Variants in FAM217B observed in about 807,000 individuals in gnomAD.
FAM217B encodes family with sequence similarity 217 member B.
For missense variants in FAM217B, 463 were observed against 456.9 expected (o/e 1.01, Z -0.12); for synonymous variants, 163 against 173.0 (o/e 0.94, Z 0.45).
intron 3 of FAM217B, among the ~76,000 whole-genome samples, chr20:59,943,044 T>C (rs1408140690): frequency 1.3e-5 from 2 of 152,216 alleles, no homozygotes; most frequent in Non-Finnish European, 2.9e-5. Context: ...AAAGCATGTT[T>C]ACCACCCATT....
upstream of FAM217B, chr20:59,937,358 C>G (rs1318373370): frequency 6.6e-6 from 1 of 152,634 alleles, no homozygotes; most frequent in South Asian, 2.1e-4. Flanking sequence ...ATGTAGTGAA[C>G]AGTGCTAATA....
upstream of FAM217B, chr20:59,939,025 G>A (rs770503231): frequency 2.6e-6 from 4 of 1,510,018 alleles, no homozygotes; most frequent in African/African-American, 1.4e-5. Context: ...GCCGGTCCCC[G>A]CGCGGCTCAG....
chr20:59,940,484 G>A lies in FAM217B; in HGVS notation c.-254G>A, dbSNP rs1422450061. Reference sequence around the variant, plus strand: ...CGGGCGTCCCCGCGCGGGCGCCGGAGAGGAAGGAAGGCTGGCAGCCTCGTC... The same window carrying A: ...CGGGCGTCCCCGCGCGGGCGCCGGAAAGGAAGGAAGGCTGGCAGCCTCGTC... On this transcript the variant is annotated 5_prime_UTR_variant, in exon 1 of 4. Coordinates refer to ENST00000360816, the MANE Select transcript of FAM217B (RefSeq NM_022106.3). 3 of 152,284 alleles carry A rather than the reference G, an allele frequency of 2.0e-5. No homozygotes were observed. Among genetic ancestry groups the A allele is most frequent in the East Asian group, 3.9e-4 (2 of 5,190 alleles). 9.4% of individuals were successfully genotyped at this position (152,284 alleles called of 1,614,324 possible).
intron 3 of FAM217B, among the ~76,000 whole-genome samples, chr20:59,943,332 A>C (rs1029302941): frequency 6.6e-6 from 1 of 152,230 alleles, no homozygotes; most frequent in African/African-American, 2.4e-5. Flanking sequence ...TTTAAACACA[A>C]TTTTCCCAAA....
chr20:59,935,394 AG>A (rs1256761399), upstream of FAM217B, among the ~76,000 whole-genome samples: 1 of 152,206 alleles, frequency 6.6e-6, no homozygotes, highest in African/African-American at 2.4e-5. Flanking sequence ...GAAGAAAAAA[AG>A]GATATCATTA....
chr20:59,939,184 C>T, upstream of FAM217B: 1 of 1,608,974 alleles, frequency 6.2e-7, no homozygotes, highest in Non-Finnish European at 8.5e-7. Flanking sequence ...ACGCGGGAGC[C>T]GAGCTCCAGC....
rs867117485 is a variant in FAM217B at position 59,947,073 on chromosome 20, G to A, written c.*1978G>A. 6.0e-6 allele frequency: 1 copy of A among 167,066 alleles called. No individual in the cohort carries two copies. Among genetic ancestry groups the A allele is most frequent in the African/African-American group, 2.4e-5 (1 of 41,420 alleles). The allele number at this position is 167,066 out of a possible 1,614,324, so 10.3% of individuals were successfully genotyped here. On this transcript the variant is annotated 3_prime_UTR_variant, in exon 4 of 4. Transcript: ENST00000360816. ...ATACTCCTTATGTTAATACTAAAGT[G>A]TTTATGCTGAGTTGCTGCCTTTCCC...
rs947436666 is a variant in FAM217B at position 59,945,218 on chromosome 20, A to G, written c.*123A>G. 23 of 837,872 alleles carry G rather than the reference A, an allele frequency of 2.7e-5. No homozygotes were observed. In the African/African-American group the frequency reaches 3.5e-4, roughly 13 times the overall value. The allele number at this position is 837,872 out of a possible 1,614,324, so 51.9% of individuals were successfully genotyped here. Reference sequence around the variant, plus strand: ...ACTGACATTTAAGTAGTTGACTGGCATTTTTGTCCACCTTTATTTCTACCC... The same window carrying G: ...ACTGACATTTAAGTAGTTGACTGGCGTTTTTGTCCACCTTTATTTCTACCC... On this transcript the variant is annotated 3_prime_UTR_variant, in exon 4 of 4. Transcript: ENST00000360816.
At position 59,945,025 on chromosome 20, in the gene FAM217B, A is replaced by C. The variant is rs1194036505; in HGVS notation, c.1082A>C (p.His361Pro). The C allele has an allele frequency of 6.2e-7, 1 of 1,612,974 alleles. No individual in the cohort carries two copies. Among genetic ancestry groups the C allele is most frequent in the Non-Finnish European group, 8.5e-7 (1 of 1,179,682 alleles). Residue 361 changes from histidine (H) to proline (P), a missense_variant, in exon 4 of 4, where the codon CAT (histidine) becomes CCT (proline). His to Pro is a moderately conservative substitution (Grantham distance 77, BLOSUM62 -2). Coordinates refer to ENST00000360816, the MANE Select transcript of FAM217B (RefSeq NM_022106.3). ...RKKGKAESCG[H>P]ATVSSEKKLK... is the part of the protein sequence containing the mutation. ...AAGGGAAAGGCAGAGAGCTGTGGTC[A>C]TGCCACTGTATCGAGTGAGAAAAAA...
chr20:59,938,971 G>A, upstream of FAM217B: 3 of 1,425,072 alleles, frequency 2.1e-6, no homozygotes, highest in Non-Finnish European at 2.8e-6. Context: ...GAGCCCAGCA[G>A]GGAAATGACA....
At chr20:59,936,870 A>C (rs2060865753), upstream of FAM217B, 1 of 152,416 alleles carries the variant, frequency 6.6e-6, no homozygotes. Flanking sequence ...GGCTTGGGTA[A>C]AATCATTTTA....
chr20:59,939,589 G>A, upstream of FAM217B: 1 of 1,604,400 alleles, frequency 6.2e-7, no homozygotes, highest in Non-Finnish European at 8.5e-7. Flanking sequence ...ACCTTGACCT[G>A]TGCCAGCTCC....
At chr20:59,939,463 G>A (rs1193897103), upstream of FAM217B, 1 of 1,611,828 alleles carries the variant, frequency 6.2e-7, no homozygotes, top group Non-Finnish European at 8.5e-7. Flanking sequence ...GGGAAATCGG[G>A]CACCAGGCAA....
At chr20:59,939,062 C>T, upstream of FAM217B, 2 of 1,554,800 alleles carry the variant, frequency 1.3e-6, no homozygotes, top group Non-Finnish European at 1.7e-6. Flanking sequence ...TCTCTTCGCA[C>T]TCCCCGCGAG....
At position 59,944,022 on chromosome 20, in the gene FAM217B, C is replaced by G. The variant is rs140439668; in HGVS notation, c.79C>G (p.Pro27Ala). ...AAAAAGGCAGAGTAAATCCCAAGTACCCCACGCTTCTTCCCAGCCGAGAAG... is the reference window on the plus strand; with the variant it reads ...AAAAAGGCAGAGTAAATCCCAAGTAGCCCACGCTTCTTCCCAGCCGAGAAG... ...SGKRQSKSQVPHASSQPRSSL... is the reference protein window; with the variant it reads ...SGKRQSKSQVAHASSQPRSSL... Residue 27 changes from proline to alanine, a missense_variant, in exon 4 of 4, where the codon CCC becomes GCC. Pro to Ala is a conservative substitution (Grantham distance 27). Transcript: ENST00000360816. The G allele has an allele frequency of 1.5e-5, 24 of 1,613,880 alleles. No homozygotes were observed. In the African/African-American group the frequency reaches 3.2e-4, roughly 22 times the overall value.
Position 59,945,202 on chromosome 20 carries a change from T to A in FAM217B, c.*107T>A. 3 of 999,680 alleles carry A rather than the reference T, an allele frequency of 3.0e-6. No homozygotes were observed. Among genetic ancestry groups the A allele is most frequent in the Non-Finnish European group, 4.3e-6 (3 of 697,452 alleles). 61.9% of individuals were successfully genotyped at this position (999,680 alleles called of 1,614,324 possible). A position where few individuals can be genotyped will look rare whatever the true frequency, so the allele number is the denominator to read the frequency against. On this transcript the variant is annotated 3_prime_UTR_variant, in exon 4 of 4. Transcript: ENST00000360816. ...AAGGAATTTTACAAATACTGACATTTAAGTAGTTGACTGGCATTTTTGTCC... is the reference window on the plus strand; with the variant it reads ...AAGGAATTTTACAAATACTGACATTAAAGTAGTTGACTGGCATTTTTGTCC...
chr20:59,939,165 G>T, upstream of FAM217B: 1 of 1,611,340 alleles, frequency 6.2e-7, no homozygotes, highest in Non-Finnish European at 8.5e-7. Context: ...GTAGCGCACC[G>T]CGAAGTGCAC....
chr20:59,944,288 C>T lies in FAM217B; in HGVS notation c.345C>T (p.Leu115=). 1 of 1,614,148 alleles carries T rather than the reference C, an allele frequency of 6.2e-7. No homozygotes were observed. The highest frequency in any genetic ancestry group is 8.5e-7 in the Non-Finnish European group (1 of 1,180,030). ...CTTCTCCCCTCACACCTCCAGATCT[C>T]AATCTTCGAGCTGAAGAAATTGATC... The part of the protein sequence containing the change: ...IPPSPLTPPD[L]NLRAEEIDPV... The change falls in exon 4 of 4, where the codon CTC becomes CTT. Residue 115 remains leucine (L), a synonymous_variant. Transcript: ENST00000360816.
At chr20:59,943,448 CCAAT>C (rs1423475699) in intron 3 of FAM217B, among the ~76,000 whole-genome samples, 1 of 152,168 alleles carries the variant, frequency 6.6e-6, no homozygotes, top group Non-Finnish European at 1.5e-5. Flanking sequence ...AGAATCGCCA[CCAAT>C]CAGTGATTAA....
Sources: gnomAD v4.1 joint callset for allele counts (sites outside exome capture counted in the v4.1 genomes callset) on GRCh38, gnomAD v4.1.1 for gene constraint, MANE v1.5 for transcripts, NCBI Gene and HGNC (gene_info 2026-07-23, HGNC 2026-07-21) for gene names.